Variants in ETFB observed in about 807,000 individuals in gnomAD.
The protein encoded by ETFB is beta-ETF.
ETFB carries 20 observed loss-of-function variants against 25.6 expected under a neutral mutation model. The observed-to-expected ratio is 0.78, with a 90% CI of 0.55 to 1.14. The LOEUF (loss-of-function observed/expected upper bound fraction) is 1.14. ETFB is among the 50% of genes most tolerant of loss of function. ETFB has a pLI of 0.00. For synonymous variants in ETFB, 142 were observed against 146.7 expected (o/e 0.97, Z 0.23); for missense variants, 286 against 342.6 (o/e 0.83, Z 1.30).
intron 1 of ETFB, among the ~76,000 whole-genome samples, chr19:51,362,912 A>T (rs1986265588): frequency 1.3e-5 from 2 of 152,208 alleles, no homozygotes; most frequent in Admixed American, 1.3e-4. Flanking sequence ...ACTGTGGATT[A>T]CAAAGTGTCC....
chr19:51,348,167 G>C, intron 4 of ETFB: 1 of 152,226 alleles, frequency 6.6e-6, no homozygotes, highest in Non-Finnish European at 1.5e-5. Context: ...TGTAATCCCA[G>C]CACTTTGAGG....
chr19:51,350,235 GGA>G, intron 4 of ETFB, 92 bp downstream of exon 4: 2 of 1,367,718 alleles, frequency 1.5e-6, no homozygotes, highest in South Asian at 1.2e-5. Flanking sequence ...TGTTCCAGGA[GGA>G]GAGAACAGCA....
At chr19:51,361,893 CAG>C (rs2123611044) in intron 1 of ETFB, 1 of 152,048 alleles carries the variant, frequency 6.6e-6, no homozygotes, top group East Asian at 1.9e-4. Context: ...TTAGTAGAGA[CAG>C]AGTTTCACTC....
intron 1 of ETFB, among the ~76,000 whole-genome samples, chr19:51,361,516 G>A (rs563711044): frequency 4.4e-4 from 67 of 152,258 alleles, no homozygotes; most frequent in African/African-American, 1.1e-3. Flanking sequence ...GCAAGTGCGT[G>A]GAGCCCAAAG....
chr19:51,361,705 T>G (rs1413864485), intron 1 of ETFB: 1 of 143,086 alleles, frequency 7.0e-6, no homozygotes, highest in Non-Finnish European at 1.5e-5. Context: ...GGGTTTTTTT[T>G]TTTTTTTTTT....
intron 1 of ETFB, among the ~76,000 whole-genome samples, chr19:51,360,219 T>C (rs1263120381): frequency 2.0e-5 from 3 of 151,910 alleles, no homozygotes; most frequent in Non-Finnish European, 2.9e-5. Context: ...CTGGCCAACA[T>C]GGTAAAACCC....
At chr19:51,356,791 G>A (rs1986090034) in intron 1 of ETFB, 1 of 152,234 alleles carries the variant, frequency 6.6e-6, no homozygotes, top group South Asian at 2.1e-4. Flanking sequence ...TCACCAGGGT[G>A]AGACCAAGGG....
chr19:51,345,803 G>A (rs113629557), intron 5 of ETFB: 1 of 318,510 alleles, frequency 3.1e-6, no homozygotes, highest in Non-Finnish European at 6.2e-6. Flanking sequence ...ATGATGCGCT[G>A]AACCCTCCCT....
chr19:51,345,710 G>A lies in ETFB; in HGVS notation c.598-329C>T, dbSNP rs371936229. ...GGACTTTTGGTTGAGATGGCATGCT[G>A]AAGGCTCCCAATAGGCTGAGATGAT... On this transcript the variant is annotated intron_variant, in intron 5 of 5. Transcript: ENST00000309244. 5.0e-5 allele frequency: 21 copies of A among 421,996 alleles called. 1 individual carries two copies. In the East Asian group the frequency reaches 7.6e-4, roughly 15 times the overall value. The allele number at this position is 421,996 out of a possible 1,614,324, so 26.1% of individuals were successfully genotyped here. A position where few individuals can be genotyped will look rare whatever the true frequency, so the allele number is the denominator to read the frequency against.
At chr19:51,354,402 A>C (rs1986023379) in intron 1 of ETFB, 94 bp from the exon 2 acceptor site, 1 of 1,614,032 alleles carries the variant, frequency 6.2e-7, no homozygotes, top group African/African-American at 1.3e-5. Context: ...GGATGAGGAC[A>C]ACGACAGCCT....
intron 3 of ETFB, among the ~76,000 whole-genome samples, chr19:51,352,388 C>A (rs1985951322): frequency 6.6e-6 from 1 of 152,136 alleles, no homozygotes; most frequent in Non-Finnish European, 1.5e-5. Flanking sequence ...CTTGTAGGAT[C>A]CTCCTCTAAC....
chr19:51,354,035 C>G (rs1287025067), intron 2 of ETFB, 115 bp downstream of exon 2: 13 of 1,282,990 alleles, frequency 1.0e-5, no homozygotes, highest in Non-Finnish European at 1.4e-5. Context: ...CATCCTCCCT[C>G]AGACCCAGGG....
intron 1 of ETFB, chr19:51,354,557 C>T (rs1360771408): frequency 1.2e-6 from 2 of 1,614,232 alleles, no homozygotes; most frequent in Admixed American, 1.7e-5. Flanking sequence ...ATCATCCCTA[C>T]TGTTGTCACT....
intron 1 of ETFB, among the ~76,000 whole-genome samples, chr19:51,365,782 G>T (rs1255761836): frequency 6.6e-6 from 1 of 152,214 alleles, no homozygotes; most frequent in Admixed American, 6.5e-5. Context: ...GGCTATGGAG[G>T]GTGGAAAGCA....
chr19:51,357,486 CTTTCTTTTTTTT>C (rs1986112642), intron 1 of ETFB, among the ~76,000 whole-genome samples: 1 of 100,786 alleles, frequency 9.9e-6, no homozygotes, highest in African/African-American at 3.9e-5. Flanking sequence ...TTTTTTCTTT[CTTTCTTTTTTTT>C]TTTTTTTTTG....
chr19:51,357,713 A>T (rs1195312836), intron 1 of ETFB, among the ~76,000 whole-genome samples: 1 of 151,278 alleles, frequency 6.6e-6, no homozygotes, highest in Non-Finnish European at 1.5e-5. Context: ...CTGGTCTCGA[A>T]CTCCCGATCT....
chr19:51,366,381 G>A lies in ETFB; in HGVS notation c.-55C>T. ...CCCGCACCCTCAGCGGCTCAGTCCA[G>A]AAGCCCCACCACCCCCGCCCCCCGC... On this transcript the variant is annotated 5_prime_UTR_variant, in exon 1 of 6. Transcript: ENST00000309244. The A allele has an allele frequency of 6.4e-7, 1 of 1,552,880 alleles. No homozygotes were observed. Among genetic ancestry groups the A allele is most frequent in the Non-Finnish European group, 8.8e-7 (1 of 1,139,666 alleles).
intron 1 of ETFB, among the ~76,000 whole-genome samples, chr19:51,364,259 G>A (rs78263912): frequency 0.029 from 4,441 of 152,130 alleles, 230 homozygotes; most frequent in African/African-American, 0.1. Flanking sequence ...CAGTACCCAG[G>A]TCTAATCTGG....
rs1599838781 is a variant in ETFB, at chr19:51,347,155, G to A, written c.439-97C>T. On this transcript the variant is annotated intron_variant, in intron 4 of 5. Transcript: ENST00000309244. ...CACTACTGAGTACACGCATGGACTA[G>A]TGAATGAATGAGGGAGCGAACAATG... 5 of 1,232,058 alleles carry A rather than the reference G, an allele frequency of 4.1e-6. No individual in the cohort carries two copies. The East Asian group carries it at 1.2e-4, about 29-fold the overall frequency. The allele number at this position is 1,232,058 out of a possible 1,614,324, so 76.3% of individuals were successfully genotyped here. A position where few individuals can be genotyped will look rare whatever the true frequency, so the allele number is the denominator to read the frequency against.
Sources: gnomAD v4.1 joint callset for allele counts (sites outside exome capture counted in the v4.1 genomes callset) on GRCh38, gnomAD v4.1.1 for gene constraint, MANE v1.5 for transcripts, NCBI Gene and HGNC (gene_info 2026-07-23, HGNC 2026-07-21) for gene names.